The following RNPEP variants were observed in gnomAD, a reference collection of about 807,000 sequenced individuals.
RNPEP encodes the protein arginyl aminopeptidase, also known as aminopeptidase B.
RNPEP carries 57 observed loss-of-function variants against 70.1 expected under a neutral mutation model. The ratio of observed to expected loss-of-function variants is 0.81; its 90% CI spans 0.66 to 1.01. The LOEUF (loss-of-function observed/expected upper bound fraction) is 1.01. Ranked by LOEUF, RNPEP falls within the 50% of genes least tolerant of loss-of-function variation. The probability of loss-of-function intolerance (pLI) is 0.00; values close to 1 mark genes in which losing one functional copy is unlikely to be tolerated. For missense variants in RNPEP, 787 were observed against 852.4 expected, an observed-to-expected ratio of 0.92 and a Z score of 0.96; for synonymous variants, 335 against 357.4, an observed-to-expected ratio of 0.94 and a Z score of 0.71.
At chr1:201,994,635 G>C (rs902308602) in intron 3 of RNPEP, among the ~76,000 whole-genome samples, 2 of 151,222 alleles carry the variant, frequency 1.3e-5, no homozygotes, top group African/African-American at 4.9e-5. Context: ...TCCCTCATCC[G>C]GGCCTGGACC....
chr1:201,984,602 C>G (rs1571618823), intron 1 of RNPEP, among the ~76,000 whole-genome samples: 3 of 131,800 alleles, frequency 2.3e-5, no homozygotes, highest in Admixed American at 7.7e-5. Context: ...CAACAGAGTG[C>G]GACCCTGTTT....
chr1:202,002,169 T>TC (rs1428686939), intron 8 of RNPEP, among the ~76,000 whole-genome samples: 1 of 150,432 alleles, frequency 6.6e-6, no homozygotes, highest in Non-Finnish European at 1.5e-5. Context: ...TCTTTTCTTT[T>TC]TTTTTTTTTT....
chr1:201,983,007 C>A lies in RNPEP; in HGVS notation c.341C>A (p.Pro114His). Residue 114 changes from proline to histidine, a missense_variant, in exon 1 of 11, where the codon CCC becomes CAC. Transcript: ENST00000295640. The part of the protein sequence containing the change: ...PAEPVSFYTQ[P>H]FSHYGQALCV... ...GAGCCCGTGAGCTTCTACACGCAGC[C>A]CTTCTCGCACTATGGCCAGGCCCTG... The A allele has an allele frequency of 6.6e-7, 1 of 1,523,262 alleles. No individual in the cohort carries two copies. Among genetic ancestry groups the A allele is most frequent in the Non-Finnish European group, 8.8e-7 (1 of 1,137,388 alleles). 94.4% of individuals were successfully genotyped at this position (1,523,262 alleles called of 1,614,324 possible). A position where few individuals can be genotyped will look rare whatever the true frequency, so the allele number is the denominator to read the frequency against.
intron 8 of RNPEP, among the ~76,000 whole-genome samples, chr1:202,002,825 C>T (rs544330679): frequency 1.3e-5 from 2 of 152,278 alleles, no homozygotes; most frequent in African/African-American, 4.8e-5. Flanking sequence ...ATAGATAAAA[C>T]TGAGGTGCAG....
At chr1:201,994,017 A>G (rs996555434) in intron 3 of RNPEP, among the ~76,000 whole-genome samples, 24 of 151,462 alleles carry the variant, frequency 1.6e-4, no homozygotes, top group African/African-American at 5.1e-4. Context: ...CGGATAACAT[A>G]TGTGATGCTT....
chr1:201,990,517 G>A (rs759698709), intron 3 of RNPEP, among the ~76,000 whole-genome samples: 2 of 152,162 alleles, frequency 1.3e-5, no homozygotes, highest in Non-Finnish European at 2.9e-5. Flanking sequence ...GGACGGTGAA[G>A]CCGTGACCTT....
chr1:201,993,042 G>C (rs1440316568), intron 3 of RNPEP, among the ~76,000 whole-genome samples: 2 of 152,106 alleles, frequency 1.3e-5, no homozygotes, highest in Non-Finnish European at 2.9e-5. Context: ...TTAAGCAGAA[G>C]GTCTTGTCTC....
rs10625357 is a variant in RNPEP, at chr1:201,997,766, G to GT, written c.1090+226dup. ...AAAAAAACATTTCCCCAGGTCATTA[G>GT]TTTTTTTTTTTTTTGAGACAGAGTT... On this transcript the variant is annotated intron_variant, in intron 5 of 10. Coordinates refer to ENST00000295640, the MANE Select transcript of RNPEP (RefSeq NM_020216.4). 6.0e-4 allele frequency among the ~76,000 whole-genome samples: 84 copies of GT among 139,156 alleles called. 1 individual carries two copies. The highest frequency in any genetic ancestry group is 1.3e-3 in the African/African-American group (47 of 37,474). The allele number at this position is 139,156 out of a possible 152,430, so 91.3% of individuals were successfully genotyped here. A position where few individuals can be genotyped will look rare whatever the true frequency, so the allele number is the denominator to read the frequency against.
At position 202,005,805 on chromosome 1, in the gene RNPEP, T is replaced by C; in HGVS notation, c.*89T>C. The C allele has an allele frequency of 6.9e-7, 1 of 1,451,308 alleles. No homozygotes were observed. Among genetic ancestry groups the C allele is most frequent in the South Asian group, 1.2e-5 (1 of 84,026 alleles). 89.9% of individuals were successfully genotyped at this position (1,451,308 alleles called of 1,614,324 possible). A position where few individuals can be genotyped will look rare whatever the true frequency, so the allele number is the denominator to read the frequency against. ...CCAAATTCCTGTTCCCTGATCAACT[T>C]CCTGGAGTTTATATCCCCTCAGGAT... On this transcript the variant is annotated 3_prime_UTR_variant, in exon 11 of 11. Coordinates refer to ENST00000295640, the MANE Select transcript of RNPEP (RefSeq NM_020216.4).
chr1:201,999,504 T>C (rs767794770), intron 5 of RNPEP, among the ~76,000 whole-genome samples: 28 of 152,154 alleles, frequency 1.8e-4, no homozygotes, highest in Non-Finnish European at 8.8e-5. Context: ...ATCACGCCAT[T>C]GCACTCCAGC....
At chr1:201,988,837 C>T in intron 1 of RNPEP, 67 bp from the exon 2 acceptor site, 2 of 1,524,346 alleles carry the variant, frequency 1.3e-6, no homozygotes, top group Admixed American at 2.1e-5. Flanking sequence ...CCAGCCAGCT[C>T]ACTTCTCTGG....
At chr1:201,997,592 C>T (rs1006500043) in intron 5 of RNPEP, 38 bp downstream of exon 5, 1 of 1,516,036 alleles carries the variant, frequency 6.6e-7, no homozygotes, top group African/African-American at 1.4e-5. Flanking sequence ...GTCTGCCTCC[C>T]ATTCTTAACC....
At chr1:201,994,497 A>T (rs1683468210) in intron 3 of RNPEP, among the ~76,000 whole-genome samples, 1 of 151,720 alleles carries the variant, frequency 6.6e-6, no homozygotes, top group Admixed American at 6.6e-5. Flanking sequence ...GCTTCCTCAC[A>T]TGCATATGCA....
chr1:201,996,465 T>TGTGTGTGTGTG, intron 4 of RNPEP: 2 of 230,686 alleles, frequency 8.7e-6, no homozygotes, highest in Non-Finnish European at 8.3e-6. Flanking sequence ...ATGAGGTTCT[T>TGTGTGTGTGTG]TGTGTGTGTG....
Position 201,996,215 on chromosome 1 carries a change from A to T in RNPEP, c.806A>T (p.Glu269Val). The change falls in exon 4 of 11, where the codon GAA becomes GTA. Residue 269 changes from glutamate (E) to valine (V), a missense_variant. By Grantham distance (121) the Glu-to-Val change is moderately radical. Transcript: ENST00000295640. ...AKEEYNGVIEEFLATGEKLFG... is the reference protein window; with the variant it reads ...AKEEYNGVIEVFLATGEKLFG... The stretch of plus-strand genomic sequence containing the variant: ...GAGGAGTACAACGGGGTGATAGAAG[A>T]ATTTTTGGCAACAGGAGAGAAGCTT... 3 of 1,614,084 alleles carry T rather than the reference A, an allele frequency of 1.9e-6. No homozygotes were observed. The highest frequency in any genetic ancestry group is 2.5e-6 in the Non-Finnish European group (3 of 1,180,000).
intron 7 of RNPEP, 50 bp from the exon 8 acceptor site, chr1:202,001,609 C>A: frequency 6.7e-7 from 1 of 1,481,652 alleles, no homozygotes; most frequent in Non-Finnish European, 9.4e-7. Flanking sequence ...CAGAGGGACA[C>A]CACTCCCCAC....
chr1:202,000,527 A>G (rs1399693412), intron 6 of RNPEP, among the ~76,000 whole-genome samples: 1 of 152,158 alleles, frequency 6.6e-6, no homozygotes, highest in East Asian at 1.9e-4. Flanking sequence ...TTTTTATGCA[A>G]TTGAAGCTCA....
chr1:201,988,420 T>C (rs1683205464), intron 1 of RNPEP, among the ~76,000 whole-genome samples: 1 of 142,546 alleles, frequency 7.0e-6, no homozygotes, highest in Non-Finnish European at 1.5e-5. Context: ...ATTGCACCAC[T>C]GTACTCCAGC....
At position 202,005,593 on chromosome 1, in the gene RNPEP, A is replaced by T; in HGVS notation, c.1830A>T (p.Ala610=). 1 of 1,614,200 alleles carries T rather than the reference A, an allele frequency of 6.2e-7. No individual in the cohort carries two copies. The stretch of plus-strand genomic sequence containing the variant: ...AGTATACACTTCCGCTGTACCACGC[A>T]ATGATGGGTGGCAGTGAGGTGGCCC... ...KQKYTLPLYH[A]MMGGSEVAQT... The change falls in exon 11 of 11, where the codon GCA becomes GCT. Residue 610 remains alanine, a synonymous_variant. Coordinates refer to ENST00000295640, the MANE Select transcript of RNPEP (RefSeq NM_020216.4).
Sources: allele counts gnomAD v4.1 joint callset (sites outside exome capture counted in the v4.1 genomes callset), GRCh38; gene constraint gnomAD v4.1.1; transcripts MANE v1.5; gene names NCBI Gene and HGNC (gene_info 2026-07-23, HGNC 2026-07-21).